MRPS2: variants seen among roughly 807,000 people sequenced by gnomAD.
MRPS2 encodes the protein small ribosomal subunit protein uS2m.
A neutral mutation model predicts 18.9 loss-of-function variants in MRPS2; 13 were observed. That is an observed-to-expected ratio of 0.69 (90% CI 0.45 to 1.09). The LOEUF (loss-of-function observed/expected upper bound fraction) is 1.09, where lower values mean the gene tolerates loss of function less well. Among genes scored for constraint, MRPS2 ranks in the 50% least tolerant of loss-of-function variants. The pLI is 0.00. For synonymous variants in MRPS2, 186 were observed against 178.4 expected (o/e 1.04, Z -0.34); for missense variants, 389 against 421.7 (o/e 0.92, Z 0.68).
Position 135,504,095 on chromosome 9 carries a change from G to C in MRPS2, c.853G>C (p.Ala285Pro). 1 of 1,611,370 alleles carries C rather than the reference G, an allele frequency of 6.2e-7. No homozygotes were observed. The highest frequency in any genetic ancestry group is 2.2e-5 in the East Asian group (1 of 44,878). Residue 285 changes from alanine to proline, a missense_variant, in exon 4 of 4, where the codon GCC (alanine) becomes CCC (proline). Physicochemically the swap from Ala to Pro is conservative, Grantham distance 27. Transcript: ENST00000241600. This position sits in a 1 kb window ranked among gnomAD's most constrained non-coding sequence, Gnocchi z 4.3. The part of the protein sequence containing the change: ...GQKEPGDQGP[A>P]HPPGADMSHS... ...GAAGGAGCCCGGGGACCAGGGGCCAGCCCACCCTCCTGGGGCTGACATGAG... is the reference window on the plus strand; with the variant it reads ...GAAGGAGCCCGGGGACCAGGGGCCACCCCACCCTCCTGGGGCTGACATGAG...
intron 3 of MRPS2, 113 bp from the exon 4 acceptor site, chr9:135,503,429 G>A: frequency 3.6e-6 from 5 of 1,392,084 alleles, no homozygotes; most frequent in Non-Finnish European, 4.8e-6. Flanking sequence ...AGCCCATAGT[G>A]CCCCCACAGA....
intron 2 of MRPS2, 143 bp downstream of exon 2, chr9:135,501,266 G>A: frequency 7.0e-7 from 1 of 1,432,296 alleles, no homozygotes; most frequent in Non-Finnish European, 9.1e-7. Flanking sequence ...CGTGCTCGCC[G>A]CCGCTCGGTC....
Position 135,502,455 on chromosome 9 carries a change from G to A in MRPS2, c.299+482G>A, listed in dbSNP as rs117128146. The A allele has an allele frequency of 2.8e-4, 66 of 233,166 alleles. 1 individual carries two copies. In the East Asian group the frequency reaches 9.5e-3, roughly 34 times the overall value. The allele number at this position is 233,166 out of a possible 1,614,324, so 14.4% of individuals were successfully genotyped here. On this transcript the variant is annotated intron_variant, in intron 3 of 3. Transcript: ENST00000241600. ...CGGGGCTTAAATCGCAGTAGCGGAA[G>A]AGCTGGAGCAGCAGGTGGACATGAG...
upstream of MRPS2, chr9:135,500,444 G>A (rs993258654): frequency 9.2e-6 from 4 of 434,060 alleles, no homozygotes; most frequent in East Asian, 3.6e-5. Context: ...GGGGCCTCCC[G>A]GGCTGGCCGG....
intron 2 of MRPS2, 170 bp from the exon 3 acceptor site, chr9:135,501,674 C>A: frequency 7.0e-7 from 1 of 1,429,570 alleles, no homozygotes; most frequent in South Asian, 1.5e-5. Context: ...CCCTCTGTTT[C>A]CTGAAAAGGT....
chr9:135,501,312 C>T, intron 2 of MRPS2, 189 bp downstream of exon 2: 2 of 1,415,628 alleles, frequency 1.4e-6, no homozygotes, highest in South Asian at 3.0e-5. Flanking sequence ...AGGCCACCGC[C>T]TCACCATGGA....
upstream of MRPS2, chr9:135,500,591 A>C: frequency 8.0e-6 from 9 of 1,123,772 alleles, no homozygotes; most frequent in Non-Finnish European, 1.1e-5. Flanking sequence ...CCGCCTGGGG[A>C]CAGCGCTGTG....
chr9:135,502,724 G>T (rs114038723), intron 3 of MRPS2: 2,594 of 153,218 alleles, frequency 0.017, 79 homozygotes, highest in African/African-American at 0.059. Flanking sequence ...AGCATCGGGG[G>T]CTGGCAGGTG....
Position 135,503,893 on chromosome 9 carries a change from C to T in MRPS2, c.651C>T (p.Ile217=). 2 of 1,614,052 alleles carry T rather than the reference C, an allele frequency of 1.2e-6. No individual in the cohort carries two copies. The highest frequency in any genetic ancestry group is 1.7e-6 in the Non-Finnish European group (2 of 1,180,040). The change falls in exon 4 of 4, where the codon ATC becomes ATT. Residue 217 remains isoleucine (I), a synonymous_variant. Coordinates refer to ENST00000241600, the MANE Select transcript of MRPS2 (RefSeq NM_016034.5). ...TGAGAGACGCAGCCAAGATGAACAT[C>T]CCCACAGTGGGCATCGTGGACACCA... ...VAVRDAAKMN[I]PTVGIVDTNC...
Position 135,504,196 on chromosome 9 carries a change from C to T in MRPS2, c.*63C>T. The T allele has an allele frequency of 2.8e-6, 4 of 1,414,526 alleles. No homozygotes were observed. Among genetic ancestry groups the T allele is most frequent in the Non-Finnish European group, 3.8e-6 (4 of 1,060,910 alleles). The allele number at this position is 1,414,526 out of a possible 1,614,324, so 87.6% of individuals were successfully genotyped here. On this transcript the variant is annotated 3_prime_UTR_variant, in exon 4 of 4. Coordinates refer to ENST00000241600, the MANE Select transcript of MRPS2 (RefSeq NM_016034.5). This position sits in a 1 kb window ranked among gnomAD's most constrained non-coding sequence, Gnocchi z 4.3. The stretch of plus-strand genomic sequence containing the variant: ...TGTCTGAGCTGGGAGTCCCCTTCCC[C>T]AGCCCTGGGTCAGCGGCATCCTCAG...
upstream of MRPS2, chr9:135,500,107 A>C (rs1357643204): frequency 1.6e-5 from 8 of 494,322 alleles, no homozygotes; most frequent in Admixed American, 2.0e-4. Flanking sequence ...CCACCCCAGC[A>C]TCAGGGCGTG....
At chr9:135,500,461 T>A (rs1353870124), upstream of MRPS2, 2 of 451,664 alleles carry the variant, frequency 4.4e-6, no homozygotes, top group African/African-American at 2.1e-5. Flanking sequence ...CCGGTCCCAT[T>A]AGCAGGGCGG....
Position 135,500,718 on chromosome 9 carries a change from C to A in MRPS2, c.8C>A (p.Thr3Lys). ...CTGCCCCGCGTCCCAGCCATGGCGA[C>A]ATCCTCGGCCGCGCTGCCCCGAATA... Reference protein sequence around the residue: MATSSAALPRILG... With the variant: MAKSSAALPRILG... Residue 3 changes from threonine to lysine, a missense_variant, in exon 1 of 4, where the codon ACA (threonine) becomes AAA (lysine). Thr to Lys is a moderately conservative substitution (Grantham distance 78). Coordinates refer to ENST00000241600, the MANE Select transcript of MRPS2 (RefSeq NM_016034.5). 6.8e-7 allele frequency: 1 copy of A among 1,479,688 alleles called. No individual in the cohort carries two copies. The allele number at this position is 1,479,688 out of a possible 1,614,324, so 91.7% of individuals were successfully genotyped here.
At chr9:135,502,145 G>C (rs910621236) in intron 3 of MRPS2, 172 bp downstream of exon 3, 187 of 1,417,938 alleles carry the variant, frequency 1.3e-4, no homozygotes, top group Non-Finnish European at 1.7e-4. Flanking sequence ...TTATTCCTCA[G>C]CTTGGCGGAC....
rs759559764 is a variant in MRPS2, at chr9:135,504,031, G to T, written c.789G>T (p.Lys263Asn). Residue 263 changes from lysine (K) to asparagine (N), a missense_variant, in exon 4 of 4, where the codon AAG becomes AAT. Lys to Asn is a moderately conservative substitution (Grantham distance 94). Transcript: ENST00000241600. This position sits in a 1 kb window ranked among gnomAD's most constrained non-coding sequence, Gnocchi z 4.3. ...CGGCCATCACCCGGGCCAAGGAGAA[G>T]CGGCAGCAGGTTGAGGCTCTCTATC... ...FQTAITRAKE[K>N]RQQVEALYRL... The T allele has an allele frequency of 3.7e-6, 6 of 1,613,260 alleles. No individual in the cohort carries two copies. The highest frequency in any genetic ancestry group is 1.7e-6 in the Non-Finnish European group (2 of 1,180,046).
chr9:135,503,368 G>A (rs1232051217), intron 3 of MRPS2, 174 bp from the exon 4 acceptor site: 2 of 1,414,674 alleles, frequency 1.4e-6, no homozygotes, highest in Non-Finnish European at 1.9e-6. Flanking sequence ...GGCCTGGATG[G>A]GTCTGCACTG....
intron 3 of MRPS2, chr9:135,503,123 G>T: frequency 9.6e-7 from 1 of 1,038,562 alleles, no homozygotes; most frequent in East Asian, 9.1e-5. Context: ...ATCCCTTAAT[G>T]CTTTTGGCCC....
In MRPS2 at chr9:135,500,990, C is replaced by A. The variant is rs201279394; in HGVS notation, c.44-8C>A. On this transcript the variant is annotated splice_polypyrimidine_tract_variant and splice_region_variant and intron_variant, in intron 1 of 3. Transcript: ENST00000241600. Reference sequence around the variant, plus strand: ...TCGGCGCCAGGACCTCTATCTACTTCCCCCCAGGTGCCCGGGCCCCGTCGC... The same window carrying A: ...TCGGCGCCAGGACCTCTATCTACTTACCCCCAGGTGCCCGGGCCCCGTCGC... 337 of 1,611,258 alleles carry A rather than the reference C, an allele frequency of 2.1e-4. No homozygotes were observed. The highest frequency in any genetic ancestry group is 1.9e-4 in the Non-Finnish European group (228 of 1,179,250).
Position 135,501,042 on chromosome 9 carries a change from A to AC in MRPS2, c.94dup (p.Arg32ProfsTer34), listed in dbSNP as rs34290949. ...CTGGTTGGGCTTTCTCGGGAAGGCG[A>AC]CCCCCCGGCCTGCTCGGCCGAGCCG... On this transcript the variant is annotated frameshift_variant, in exon 2 of 4. Transcript: ENST00000241600. LOFTEE classifies it high-confidence loss of function. 14 of 1,597,814 alleles carry AC rather than the reference A, an allele frequency of 8.8e-6. No homozygotes were observed. The highest frequency in any genetic ancestry group is 2.2e-5 in the South Asian group (2 of 89,634).
Sources: allele counts gnomAD v4.1 joint callset, GRCh38; gene constraint gnomAD v4.1.1; non-coding constraint Gnocchi (gnomAD v3.1); transcripts MANE v1.5; gene names NCBI Gene and HGNC (gene_info 2026-07-23, HGNC 2026-07-21).